COL22A1: variants seen among roughly 807,000 people sequenced by gnomAD.
COL22A1 encodes the protein collagen type XXII alpha 1 chain, also known as collagen alpha-1(XXII) chain.
Under a neutral mutation model 248.9 loss-of-function variants are expected in COL22A1, and 221 were observed. The observed-to-expected ratio is 0.89, with a 90% CI of 0.80 to 0.99. COL22A1 has a LOEUF of 0.99. Among genes scored for constraint, COL22A1 ranks in the 50% least tolerant of loss-of-function variants. The pLI, the probability that COL22A1 is intolerant of heterozygous loss-of-function variation, is 0.00. For synonymous variants in COL22A1, 891 were observed against 793.4 expected (o/e 1.12, Z -2.07); for missense variants, 2,240 against 2,179.0 (o/e 1.03, Z -0.56).
intron 16 of COL22A1, 22 bp downstream of exon 16, chr8:138,775,944 A>C (rs754646120): frequency 6.2e-7 from 1 of 1,612,328 alleles, no homozygotes; most frequent in Non-Finnish European, 8.5e-7. Context: ...CGTATTGATG[A>C]ATGAGTGCAG....
intron 23 of COL22A1, among the ~76,000 whole-genome samples, chr8:138,736,653 C>T (rs967658905): frequency 6.6e-6 from 1 of 152,060 alleles, no homozygotes; most frequent in African/African-American, 2.4e-5. Context: ...GAAGCAGAGC[C>T]AAGTATGGCC....
intron 3 of COL22A1, among the ~76,000 whole-genome samples, chr8:138,856,171 G>A (rs1821991707): frequency 1.3e-5 from 2 of 152,228 alleles, no homozygotes; most frequent in African/African-American, 4.8e-5. Flanking sequence ...CCCGCCAGCT[G>A]TGCCTCTCAC....
Position 138,603,805 on chromosome 8 carries a change from A to C in COL22A1, c.4140+929T>G, listed in dbSNP as rs73718053. 8.1e-3 allele frequency among the ~76,000 whole-genome samples: 1,235 copies of C among 152,316 alleles called. 11 individuals are homozygous for C. Among genetic ancestry groups the C allele is most frequent in the African/African-American group, 0.027 (1,142 of 41,556 alleles). On this transcript the variant is annotated intron_variant, in intron 59 of 64. Transcript: ENST00000303045. ...TTCAAGGAAGTGACCACCTCCCTGA[A>C]GTTAAGAACGTGACCCAAAGGCACA...
At chr8:138,645,044 T>A (rs188064510) in intron 47 of COL22A1, among the ~76,000 whole-genome samples, 6 of 152,336 alleles carry the variant, frequency 3.9e-5, no homozygotes, top group Admixed American at 3.3e-4. Context: ...ATTCACATTA[T>A]AATTGAGCTC....
At chr8:138,815,683 G>C (rs189638047) in intron 7 of COL22A1, among the ~76,000 whole-genome samples, 2 of 152,162 alleles carry the variant, frequency 1.3e-5, no homozygotes, top group African/African-American at 2.4e-5. Context: ...CATAGACCAC[G>C]AGGGCAAGGT....
At chr8:138,607,695 A>G (rs956409578) in intron 57 of COL22A1, among the ~76,000 whole-genome samples, 4 of 152,140 alleles carry the variant, frequency 2.6e-5, no homozygotes, top group African/African-American at 9.7e-5. Flanking sequence ...TTGGGTGCCT[A>G]TGGATGTAGA....
At position 138,626,220 on chromosome 8, in the gene COL22A1, G is replaced by T; in HGVS notation, c.3687C>A (p.Pro1229=). The part of the protein sequence containing the change: ...GSPGKEGPPG[P]QGPSGLPGIP... ...TTCCGGGTAATCCAGATGGGCCTTGGGGGCCAGGAGGGCCTTCTTTCCCCT... is the reference window on the plus strand; with the variant it reads ...TTCCGGGTAATCCAGATGGGCCTTGTGGGCCAGGAGGGCCTTCTTTCCCCT... The change falls in exon 51 of 65, where the codon CCC becomes CCA. Residue 1229 remains proline, a synonymous_variant. Coordinates refer to ENST00000303045, the MANE Select transcript of COL22A1 (RefSeq NM_152888.3). 6.2e-7 allele frequency: 1 copy of T among 1,607,022 alleles called. No homozygotes were observed. Among genetic ancestry groups the T allele is most frequent in the Non-Finnish European group, 8.5e-7 (1 of 1,177,608 alleles).
At chr8:138,872,350 T>G (rs990374352) in intron 3 of COL22A1, among the ~76,000 whole-genome samples, 6 of 152,112 alleles carry the variant, frequency 3.9e-5, no homozygotes, top group South Asian at 2.1e-4. Flanking sequence ...AGAGGCTGCT[T>G]CTTTGCTCTA....
chr8:138,742,320 A>T (rs1183346275), intron 22 of COL22A1, among the ~76,000 whole-genome samples: 2 of 138,506 alleles, frequency 1.4e-5, no homozygotes, highest in African/African-American at 5.6e-5. Flanking sequence ...GTGATGGTGG[A>T]GTTGATGGTG....
intron 3 of COL22A1, among the ~76,000 whole-genome samples, chr8:138,871,202 GT>G (rs1243512952): frequency 2.0e-5 from 3 of 152,136 alleles, no homozygotes; most frequent in Non-Finnish European, 2.9e-5. Context: ...GTGTGGCTGT[GT>G]CTTCAAAGGG....
At chr8:138,662,274 G>A (rs1025854935) in intron 42 of COL22A1, among the ~76,000 whole-genome samples, 191 bp from the exon 43 acceptor site, 1 of 152,146 alleles carries the variant, frequency 6.6e-6, no homozygotes, top group African/African-American at 2.4e-5. Context: ...GTATGTGCTC[G>A]ACACACAGAG....
At chr8:138,693,572 T>C (rs1448027782) in intron 35 of COL22A1, 74 bp downstream of exon 35, 4 of 1,453,962 alleles carry the variant, frequency 2.8e-6, no homozygotes, top group African/African-American at 1.4e-5. Flanking sequence ...CTGTGAGCCA[T>C]AGAGCAGAGC....
intron 3 of COL22A1, among the ~76,000 whole-genome samples, chr8:138,874,963 C>T (rs954509457): frequency 2.7e-4 from 41 of 152,262 alleles, no homozygotes; most frequent in African/African-American, 9.9e-4. Flanking sequence ...ATCACTAGTT[C>T]CTGCGTACCT....
chr8:138,902,784 AC>A (rs1240810968), intron 1 of COL22A1, among the ~76,000 whole-genome samples: 31 of 149,500 alleles, frequency 2.1e-4, no homozygotes, highest in African/African-American at 7.7e-4. Context: ...ACACACACAC[AC>A]TAGAACTGAC....
intron 12 of COL22A1, among the ~76,000 whole-genome samples, chr8:138,789,263 ACT>A (rs1217033249): frequency 6.6e-6 from 1 of 152,036 alleles, no homozygotes; most frequent in Admixed American, 6.6e-5. Context: ...ATTTATTCTA[ACT>A]CTGGGCATTT....
chr8:138,655,979 A>G lies in COL22A1; in HGVS notation c.3286-35T>C, dbSNP rs745863651. 5 of 1,521,828 alleles carry G rather than the reference A, an allele frequency of 3.3e-6. No individual in the cohort carries two copies. The South Asian group carries it at 3.4e-5, about 10-fold the overall frequency. 94.3% of individuals were successfully genotyped at this position (1,521,828 alleles called of 1,614,324 possible). ...TAAAAAGAAACAAACACATACGTAC[A>G]TGCATATATACAATAAATCCCAGGC... is the stretch of plus-strand genomic sequence containing the variant. On this transcript the variant is annotated intron_variant, in intron 44 of 64. Transcript: ENST00000303045.
rs1233805353 is a variant in COL22A1 at position 138,751,524 on chromosome 8, G to A, written c.2032-13C>T. 1 of 1,590,952 alleles carries A rather than the reference G, an allele frequency of 6.3e-7. No individual in the cohort carries two copies. Reference sequence around the variant, plus strand: ...GGCCTATTGGACCCTTTAGGAGGGAGAAAAAGGAAAAAGAGAGAGAAACAT... The same window carrying A: ...GGCCTATTGGACCCTTTAGGAGGGAAAAAAAGGAAAAAGAGAGAGAAACAT... On this transcript the variant is annotated splice_polypyrimidine_tract_variant and intron_variant, in intron 21 of 64. Transcript: ENST00000303045.
intron 1 of COL22A1, among the ~76,000 whole-genome samples, chr8:138,895,337 G>A (rs1423149614): frequency 1.3e-5 from 2 of 152,000 alleles, no homozygotes; most frequent in African/African-American, 2.4e-5. Context: ...TTCCAACGCT[G>A]GAATAACCCA....
At chr8:138,746,011 C>A (rs556907628) in intron 22 of COL22A1, among the ~76,000 whole-genome samples, 1 of 152,234 alleles carries the variant, frequency 6.6e-6, no homozygotes, top group African/African-American at 2.4e-5. Context: ...AGCAGGCAGG[C>A]GGGCAGGTGG....
Sources: gnomAD v4.1 joint callset for allele counts (sites outside exome capture counted in the v4.1 genomes callset) on GRCh38, gnomAD v4.1.1 for gene constraint, MANE v1.5 for transcripts, NCBI Gene and HGNC (gene_info 2026-07-23, HGNC 2026-07-21) for gene names.